The following AKAP7 variants were observed in gnomAD, a reference collection of about 807,000 sequenced individuals.
AKAP7 encodes the protein A kinase (PRKA) anchor protein 7.
A neutral mutation model predicts 39.5 loss-of-function variants in AKAP7; 39 were observed. That is an observed-to-expected ratio of 0.99 (90% CI 0.76 to 1.29). The LOEUF (loss-of-function observed/expected upper bound fraction) is 1.29, where lower values mean the gene tolerates loss of function less well. Ranked by LOEUF, AKAP7 falls within the 50% of genes most tolerant of loss-of-function variation. AKAP7 has a pLI of 0.00. For synonymous variants in AKAP7, 140 were observed against 139.1 expected, an observed-to-expected ratio of 1.01 and a Z score of -0.05; for missense variants, 414 against 407.7, an observed-to-expected ratio of 1.02 and a Z score of -0.13.
intron 5 of AKAP7, among the ~76,000 whole-genome samples, chr6:131,171,512 T>C (rs573577111): frequency 6.6e-6 from 1 of 152,216 alleles, no homozygotes; most frequent in South Asian, 2.1e-4. Flanking sequence ...AATCTAGAGA[T>C]ACCATCAAAT....
intron 5 of AKAP7, among the ~76,000 whole-genome samples, chr6:131,170,477 A>G (rs563720641): frequency 3.9e-5 from 6 of 152,240 alleles, no homozygotes; most frequent in Non-Finnish European, 5.9e-5. Flanking sequence ...CCTTCCTCCA[A>G]TTAAGTTCAC....
intron 7 of AKAP7, among the ~76,000 whole-genome samples, chr6:131,240,023 C>G (rs1811403426): frequency 6.6e-6 from 1 of 152,082 alleles, no homozygotes; most frequent in Non-Finnish European, 1.5e-5. Flanking sequence ...CTGTTTTTTC[C>G]CCATCTTTGT....
intron 7 of AKAP7, among the ~76,000 whole-genome samples, chr6:131,223,041 T>G (rs2128300136): frequency 6.6e-6 from 1 of 152,364 alleles, no homozygotes; most frequent in South Asian, 2.1e-4. Context: ...CTCAGATGAT[T>G]GTAAGCATTT....
At chr6:131,279,270 CT>C (rs917515704) in intron 7 of AKAP7, among the ~76,000 whole-genome samples, 17 of 151,464 alleles carry the variant, frequency 1.1e-4, no homozygotes, top group South Asian at 4.2e-4. Context: ...GGAAAATTCA[CT>C]TTTTTTTTCT....
intron 1 of AKAP7, among the ~76,000 whole-genome samples, chr6:131,136,355 G>C (rs1285121891): frequency 6.6e-6 from 1 of 152,280 alleles, no homozygotes; most frequent in African/African-American, 2.4e-5. Context: ...TGGACTTTCG[G>C]TAAAAGGGTC....
At chr6:131,248,657 G>A (rs186360749) in intron 7 of AKAP7, among the ~76,000 whole-genome samples, 239 of 152,296 alleles carry the variant, frequency 1.6e-3, no homozygotes, top group Non-Finnish European at 2.7e-3. Flanking sequence ...TAGTGGCAGT[G>A]TTAAGGCTGG....
intron 5 of AKAP7, among the ~76,000 whole-genome samples, chr6:131,179,910 AT>A (rs1486409187): frequency 3.3e-5 from 5 of 151,988 alleles, no homozygotes; most frequent in South Asian, 2.1e-4. Context: ...AAATAAATAA[AT>A]AAGTTGTTAA....
chr6:131,217,307 CT>C (rs911439028), intron 6 of AKAP7, among the ~76,000 whole-genome samples: 5 of 151,168 alleles, frequency 3.3e-5, no homozygotes, highest in East Asian at 1.9e-4. Context: ...CATAGTCTTC[CT>C]TTTTTTTTAG....
chr6:131,197,886 C>G (rs1276745838), intron 5 of AKAP7, among the ~76,000 whole-genome samples: 1 of 152,106 alleles, frequency 6.6e-6, no homozygotes, highest in Admixed American at 6.6e-5. Context: ...GTGAAGGCCC[C>G]GAGCTGTGGG....
chr6:131,132,088 G>A (rs1800341002), upstream of AKAP7, among the ~76,000 whole-genome samples: 2 of 152,044 alleles, frequency 1.3e-5, no homozygotes, highest in Non-Finnish European at 2.9e-5. Context: ...CGAGGCGGGC[G>A]GATCATGAGG....
At chr6:131,270,097 G>T (rs986887675) in intron 7 of AKAP7, among the ~76,000 whole-genome samples, 1 of 152,070 alleles carries the variant, frequency 6.6e-6, no homozygotes, top group African/African-American at 2.4e-5. Context: ...TTTCATTGAG[G>T]TATAATTTAC....
chr6:131,225,523 C>T (rs1334875441), intron 7 of AKAP7, among the ~76,000 whole-genome samples: 2 of 152,130 alleles, frequency 1.3e-5, no homozygotes, highest in African/African-American at 4.8e-5. Flanking sequence ...TAATTTTGGA[C>T]AAGGAACTTT....
intron 2 of AKAP7, among the ~76,000 whole-genome samples, chr6:131,159,062 CT>C (rs1802688792): frequency 1.3e-5 from 2 of 151,516 alleles, no homozygotes; most frequent in African/African-American, 4.8e-5. Flanking sequence ...CTCAGATGAC[CT>C]TTTGTTAAGG....
chr6:131,241,627 G>GTATA lies in AKAP7; in HGVS notation c.850+21827_850+21830dup, dbSNP rs60816569. ...TGTGTGTGTGTGTGTGTGTGTGTGT[G>GTATA]TATATATATATGACAGTTATAGGAT... On this transcript the variant is annotated intron_variant, in intron 7 of 7. Transcript: ENST00000431975. Among the ~76,000 whole-genome samples, 55 of 86,662 alleles carry GTATA rather than the reference G, an allele frequency of 6.3e-4. 3 individuals carry two copies. The highest frequency in any genetic ancestry group is 2.5e-3 in the Admixed American group (21 of 8,402). The allele number at this position is 86,662 out of a possible 152,430, so 56.9% of individuals were successfully genotyped here.
intron 3 of AKAP7, 140 bp from the exon 4 acceptor site, chr6:131,164,941 A>G (rs979732491): frequency 3.2e-6 from 2 of 634,612 alleles, no homozygotes; most frequent in Non-Finnish European, 2.7e-6. Flanking sequence ...ACAATTAAGC[A>G]TTCATTTGGT....
chr6:131,127,801 TAAAGA>T, the AKAP7 span, among the ~76,000 whole-genome samples: 1 of 152,130 alleles, frequency 6.6e-6, no homozygotes. Context: ...GTAGACTGCA[TAAAGA>T]AAATATAGTA....
At chr6:131,206,087 G>C (rs1265961632) in intron 6 of AKAP7, among the ~76,000 whole-genome samples, 1 of 152,134 alleles carries the variant, frequency 6.6e-6, no homozygotes, top group Non-Finnish European at 1.5e-5. Context: ...AAGAAGACAA[G>C]TTTCAAATCA....
intron 6 of AKAP7, among the ~76,000 whole-genome samples, chr6:131,210,187 A>G (rs144609563): frequency 2.6e-5 from 4 of 152,380 alleles, no homozygotes; most frequent in African/African-American, 9.6e-5. Context: ...ATTTCTACAT[A>G]TGAGCTGGTT....
chr6:131,222,520 C>T (rs777190730), intron 7 of AKAP7, among the ~76,000 whole-genome samples: 3 of 151,316 alleles, frequency 2.0e-5, no homozygotes, highest in Non-Finnish European at 4.4e-5. Context: ...AAGTGACACT[C>T]ATCTCAAAAA....
Sources: allele counts gnomAD v4.1 joint callset (sites outside exome capture counted in the v4.1 genomes callset), GRCh38; gene constraint gnomAD v4.1.1; transcripts MANE v1.5; gene names NCBI Gene and HGNC (gene_info 2026-07-23, HGNC 2026-07-21).